The following YBX1 variants were observed in gnomAD, a reference collection of about 807,000 sequenced individuals.
YBX1 encodes the protein Y-box binding protein 1.
A neutral mutation model predicts 41.4 loss-of-function variants in YBX1; 3 were observed. The observed-to-expected ratio is 0.07, with a 90% CI of 0.03 to 0.19. The LOEUF (loss-of-function observed/expected upper bound fraction) is 0.19, where lower values mean the gene tolerates loss of function less well. YBX1 is among the 10% of genes least tolerant of loss of function. YBX1 has a pLI of 1.00. For synonymous variants in YBX1, 133 were observed against 165.8 expected, an observed-to-expected ratio of 0.80 and a Z score of 1.52; for missense variants, 274 against 462.8, an observed-to-expected ratio of 0.59 and a Z score of 3.74.
intron 2 of YBX1, among the ~76,000 whole-genome samples, chr1:42,688,198 A>G (rs375910263): frequency 3.3e-5 from 5 of 152,320 alleles, no homozygotes; most frequent in Admixed American, 6.5e-5. Flanking sequence ...CTCGTGAACA[A>G]TGTGAGTTTG....
At chr1:42,691,618 TGATA>T (rs1426425877) in intron 2 of YBX1, among the ~76,000 whole-genome samples, 1 of 152,164 alleles carries the variant, frequency 6.6e-6, no homozygotes, top group Non-Finnish European at 1.5e-5. Flanking sequence ...CAAAATGGAT[TGATA>T]AAGAAATGAT....
At chr1:42,683,177 C>T (rs913665958) in intron 1 of YBX1, 13 of 662,144 alleles carry the variant, frequency 2.0e-5, no homozygotes, top group African/African-American at 9.4e-5. Context: ...ACACACCCAT[C>T]CTGGGGCCCG....
intron 2 of YBX1, among the ~76,000 whole-genome samples, chr1:42,692,221 C>T (rs1557531667): frequency 6.6e-6 from 1 of 152,168 alleles, no homozygotes; most frequent in South Asian, 2.1e-4. Flanking sequence ...CTTACTCTAC[C>T]AGTTTTTTAT....
intron 2 of YBX1, among the ~76,000 whole-genome samples, chr1:42,686,131 T>G (rs1370190295): frequency 6.6e-6 from 1 of 152,216 alleles, no homozygotes; most frequent in African/African-American, 2.4e-5. Context: ...CACCAAAGAT[T>G]ACCATGAATT....
intron 7 of YBX1, among the ~76,000 whole-genome samples, chr1:42,701,528 G>GTTTTTTTT (rs200264018): frequency 7.0e-6 from 1 of 143,516 alleles, no homozygotes. Context: ...ATTTCTAATT[G>GTTTTTTTT]TTTTTTTTTT....
intron 6 of YBX1, 62 bp downstream of exon 6, chr1:42,697,324 A>G (rs1174849049): frequency 6.6e-7 from 1 of 1,507,362 alleles, no homozygotes; most frequent in South Asian, 1.2e-5. Context: ...GGACTCAGCA[A>G]TATCATGCCT....
At chr1:42,682,800 G>A in intron 1 of YBX1, 69 bp downstream of exon 1, 1 of 1,098,624 alleles carries the variant, frequency 9.1e-7, no homozygotes, top group Non-Finnish European at 1.1e-6. Flanking sequence ...AGCCGGAGCT[G>A]GGCGAGCCGG....
At chr1:42,688,831 G>A (rs960770981) in intron 2 of YBX1, among the ~76,000 whole-genome samples, 1 of 152,224 alleles carries the variant, frequency 6.6e-6, no homozygotes, top group South Asian at 2.1e-4. Context: ...GTATCGATAA[G>A]TGCAGTACTG....
chr1:42,686,589 C>A (rs1260564714), intron 2 of YBX1, among the ~76,000 whole-genome samples: 1 of 152,164 alleles, frequency 6.6e-6, no homozygotes, highest in Non-Finnish European at 1.5e-5. Flanking sequence ...AAAGGTTTGG[C>A]TATCTCTCTT....
At chr1:42,685,147 A>AT (rs891884234) in intron 2 of YBX1, among the ~76,000 whole-genome samples, 2 of 152,132 alleles carry the variant, frequency 1.3e-5, no homozygotes, top group Middle Eastern at 3.4e-3. Flanking sequence ...GTTTCGCTGC[A>AT]TTTTTTTTAA....
chr1:42,692,497 A>G (rs183047121), intron 2 of YBX1, among the ~76,000 whole-genome samples: 4 of 152,234 alleles, frequency 2.6e-5, no homozygotes, highest in Admixed American at 2.6e-4. Context: ...TCTTATAATA[A>G]TCCAAGCTAT....
rs1650637323 is a variant in YBX1 at position 42,702,819 on chromosome 1, G to T, written c.*870G>T. ...TTGGTTCAGCTCCTTATGTCCTAGA[G>T]ATGGAAACAAGTAATATAAAACCCA... On this transcript the variant is annotated 3_prime_UTR_variant, in exon 8 of 8. Transcript: ENST00000321358. 6.6e-6 allele frequency among the ~76,000 whole-genome samples: 1 copy of T among 152,300 alleles called. No individual in the cohort carries two copies.
intron 2 of YBX1, among the ~76,000 whole-genome samples, chr1:42,684,904 T>C (rs1057113362): frequency 3.3e-5 from 5 of 152,334 alleles, no homozygotes; most frequent in East Asian, 3.9e-4. Context: ...TTAAGTGTGC[T>C]TACCTTGGGA....
chr1:42,699,042 G>A (rs996949713), intron 6 of YBX1, among the ~76,000 whole-genome samples: 1 of 152,102 alleles, frequency 6.6e-6, no homozygotes, highest in African/African-American at 2.4e-5. Context: ...GGGAAAATGG[G>A]GGGTCAAAAA....
At chr1:42,691,084 G>T (rs1223054601) in intron 2 of YBX1, among the ~76,000 whole-genome samples, 1 of 152,172 alleles carries the variant, frequency 6.6e-6, no homozygotes, top group Non-Finnish European at 1.5e-5. Context: ...AGAGATTCTG[G>T]CTGGTTGCAA....
rs1208565006 is a variant in YBX1, at chr1:42,702,189, T to C, written c.*240T>C. 1 of 152,736 alleles carries C rather than the reference T, an allele frequency of 6.5e-6. No homozygotes were observed. The highest frequency in any genetic ancestry group is 1.5e-5 in the Non-Finnish European group (1 of 68,034). 9.5% of individuals were successfully genotyped at this position (152,736 alleles called of 1,614,324 possible). On this transcript the variant is annotated 3_prime_UTR_variant, in exon 8 of 8. Coordinates refer to ENST00000321358, the MANE Select transcript of YBX1 (RefSeq NM_004559.5). ...AAACGTGTTTTTTAAAAAAGCCTGG[T>C]TTTTCTCAATACGCCTTTAAAGGTT...
intron 2 of YBX1, among the ~76,000 whole-genome samples, chr1:42,691,832 A>G (rs1012773282): frequency 6.6e-6 from 1 of 152,100 alleles, no homozygotes; most frequent in Admixed American, 6.6e-5. Flanking sequence ...ATTAATGCAG[A>G]TAGTGCTCCC....
intron 3 of YBX1, among the ~76,000 whole-genome samples, chr1:42,695,313 CTGAGATTTGGAGTGAACA>C (rs2148740033): frequency 6.6e-6 from 1 of 152,246 alleles, no homozygotes; most frequent in East Asian, 1.9e-4. Context: ...ATGGATATAG[CTGAGATTTGGAGTGAACA>C]TGGGATTTGG....
Position 42,682,622 on chromosome 1 carries a change from C to T in YBX1, c.57C>T (p.Ala19=), listed in dbSNP as rs958120374. 4.1e-5 allele frequency: 59 copies of T among 1,424,874 alleles called. No homozygotes were observed. The highest frequency in any genetic ancestry group is 8.3e-5 in the Admixed American group (3 of 36,170). The allele number at this position is 1,424,874 out of a possible 1,614,324, so 88.3% of individuals were successfully genotyped here. A position where few individuals can be genotyped will look rare whatever the true frequency, so the allele number is the denominator to read the frequency against. Residue 19 remains alanine (A), a synonymous_variant, in exon 1 of 8, where the codon GCC becomes GCT. Coordinates refer to ENST00000321358, the MANE Select transcript of YBX1 (RefSeq NM_004559.5). ...QPPAAPPAAP[A]LSAADTKPGT... is the part of the protein sequence containing the mutation. ...CCGCCGCCCCCCCCGCCGCCCCCGCCCTCAGCGCCGCCGACACCAAGCCCG... is the reference window on the plus strand; with the variant it reads ...CCGCCGCCCCCCCCGCCGCCCCCGCTCTCAGCGCCGCCGACACCAAGCCCG...
Sources: gnomAD v4.1 joint callset for allele counts (sites outside exome capture counted in the v4.1 genomes callset) on GRCh38, gnomAD v4.1.1 for gene constraint, MANE v1.5 for transcripts, NCBI Gene and HGNC (gene_info 2026-07-23, HGNC 2026-07-21) for gene names.